MGMT: variants seen among roughly 807,000 people sequenced by gnomAD.
MGMT encodes the protein O-6-methylguanine-DNA methyltransferase, also known as methylated-DNA--protein-cysteine methyltransferase.
A neutral mutation model predicts 15.9 loss-of-function variants in MGMT; 14 were observed. The observed-to-expected ratio is 0.88, with a 90% CI of 0.58 to 1.37. MGMT has a LOEUF of 1.37. Among genes scored for constraint, MGMT ranks in the 40% most tolerant of loss-of-function variants. The probability of loss-of-function intolerance (pLI) is 0.00; values close to 1 mark genes in which losing one functional copy is unlikely to be tolerated. For missense variants in MGMT, 282 were observed against 268.1 expected, an observed-to-expected ratio of 1.05 and a Z score of -0.36; for synonymous variants, 130 against 118.2, an observed-to-expected ratio of 1.10 and a Z score of -0.65.
chr10:129,759,299 C>G lies in MGMT; in HGVS notation c.372C>G (p.Pro124=). 1.2e-6 allele frequency: 2 copies of G among 1,614,202 alleles called. No homozygotes were observed. Among genetic ancestry groups the G allele is most frequent in the Non-Finnish European group, 1.7e-6 (2 of 1,180,040 alleles). The change falls in exon 4 of 5, where the codon CCC becomes CCG. Residue 124 remains proline, a synonymous_variant. Transcript: ENST00000651593. ...AATTAGCAGCCCTGGCAGGCAACCC[C>G]AAAGCCGCGCGAGCAGTGGGAGGAG... is the stretch of plus-strand genomic sequence containing the variant. ...YQQLAALAGN[P]KAARAVGGAM... is the part of the protein sequence containing the mutation.
chr10:129,691,176 G>A (rs1353843007), intron 2 of MGMT, among the ~76,000 whole-genome samples: 1 of 152,256 alleles, frequency 6.6e-6, no homozygotes, highest in Non-Finnish European at 1.5e-5. Context: ...GGAGTTAGAG[G>A]TGATGACCAG....
At chr10:129,590,689 A>C (rs941755287) in intron 2 of MGMT, among the ~76,000 whole-genome samples, 1 of 152,248 alleles carries the variant, frequency 6.6e-6, no homozygotes, top group Non-Finnish European at 1.5e-5. Flanking sequence ...AAAAATTCTG[A>C]TATCAGCATT....
intron 1 of MGMT, 114 bp from the exon 2 acceptor site, chr10:129,536,127 G>A: frequency 8.3e-7 from 1 of 1,211,164 alleles, no homozygotes; most frequent in African/African-American, 1.5e-5. Context: ...CCAAAAATGA[G>A]GAAGAGCTTT....
chr10:129,546,503 G>A lies in MGMT; in HGVS notation c.125+10126G>A, dbSNP rs1477488768. On this transcript the variant is annotated intron_variant, in intron 2 of 4. Transcript: ENST00000651593. The stretch of plus-strand genomic sequence containing the variant: ...GGGGTGGTGCTTCCTCCCAGGGCTA[G>A]GGGAGAGGTGAGCAAAGAATAACCT... 2.6e-5 allele frequency among the ~76,000 whole-genome samples: 4 copies of A among 152,316 alleles called. No individual in the cohort carries two copies. The East Asian group carries it at 7.7e-4, about 29-fold the overall frequency.
chr10:129,474,172 G>A (rs1318617207), intron 1 of MGMT, among the ~76,000 whole-genome samples: 4 of 152,224 alleles, frequency 2.6e-5, no homozygotes, highest in Non-Finnish European at 2.9e-5. Flanking sequence ...TAGCCAGTGG[G>A]GCCAGGGCCT....
chr10:129,715,419 A>C (rs760388276), intron 3 of MGMT: 24 of 152,186 alleles, frequency 1.6e-4, no homozygotes, highest in Non-Finnish European at 3.2e-4. Context: ...ATAAATTTTC[A>C]TTTTAAATGG....
chr10:129,537,878 C>G (rs923626231), intron 2 of MGMT, among the ~76,000 whole-genome samples: 5 of 152,166 alleles, frequency 3.3e-5, no homozygotes, highest in African/African-American at 1.2e-4. Flanking sequence ...GGAACTTGGG[C>G]TCCTCTGAGC....
intron 3 of MGMT, among the ~76,000 whole-genome samples, chr10:129,740,192 A>G (rs543084084): frequency 1.3e-5 from 2 of 152,362 alleles, no homozygotes; most frequent in Non-Finnish European, 2.9e-5. Context: ...AACATGCATC[A>G]GGTGCTCCAA....
intron 2 of MGMT, among the ~76,000 whole-genome samples, chr10:129,614,733 A>G (rs1847003058): frequency 6.6e-6 from 1 of 152,114 alleles, no homozygotes; most frequent in Admixed American, 6.5e-5. Flanking sequence ...CAGGCAATCT[A>G]GTTGGCTTGA....
intron 2 of MGMT, among the ~76,000 whole-genome samples, chr10:129,582,155 C>T (rs1031749748): frequency 5.9e-5 from 9 of 152,194 alleles, no homozygotes; most frequent in Admixed American, 3.9e-4. Flanking sequence ...GGACGCTTTC[C>T]AGGGTGGTGG....
intron 3 of MGMT, among the ~76,000 whole-genome samples, chr10:129,714,518 G>T (rs1429697845): frequency 6.6e-6 from 1 of 152,082 alleles, no homozygotes; most frequent in Non-Finnish European, 1.5e-5. Flanking sequence ...GAATCCTCTA[G>T]ACATTTCATT....
At chr10:129,500,236 G>A (rs765274130) in intron 1 of MGMT, among the ~76,000 whole-genome samples, 30 of 152,190 alleles carry the variant, frequency 2.0e-4, no homozygotes, top group African/African-American at 2.7e-4. Flanking sequence ...TTTGGGCACC[G>A]CCTGGTTTCC....
rs1288043454 is a variant in MGMT at position 129,766,941 on chromosome 10, G to A, written c.568G>A (p.Ala190Thr). ...GLGGSSGLAG[A>T]WLKGAGATSG... is the part of the protein sequence containing the mutation. ...GGGAGGGAGCTCAGGTCTGGCAGGG[G>A]CCTGGCTCAAGGGAGCGGGAGCTAC... The change falls in exon 5 of 5, where the codon GCC becomes ACC. Residue 190 changes from alanine to threonine, a missense_variant. Physicochemically the swap from Ala to Thr is moderately conservative, Grantham distance 58. Coordinates refer to ENST00000651593, the MANE Select transcript of MGMT (RefSeq NM_002412.5). 2 of 1,612,934 alleles carry A rather than the reference G, an allele frequency of 1.2e-6. No homozygotes were observed. Among genetic ancestry groups the A allele is most frequent in the Non-Finnish European group, 1.7e-6 (2 of 1,179,860 alleles).
intron 1 of MGMT, among the ~76,000 whole-genome samples, chr10:129,529,569 T>C (rs1364979731): frequency 1.3e-5 from 2 of 152,208 alleles, no homozygotes; most frequent in Admixed American, 6.5e-5. Flanking sequence ...GTTTAAGCCA[T>C]ATCCACAGGA....
chr10:129,627,074 A>C (rs1052033962), intron 2 of MGMT, among the ~76,000 whole-genome samples: 1 of 152,206 alleles, frequency 6.6e-6, no homozygotes, highest in South Asian at 2.1e-4. Context: ...CTCACAGGCA[A>C]GAAGAAAAGC....
chr10:129,599,918 G>A lies in MGMT; in HGVS notation c.125+63541G>A, dbSNP rs72838515. Among the ~76,000 whole-genome samples, 882 of 152,300 alleles carry A rather than the reference G, an allele frequency of 5.8e-3. 5 individuals are homozygous for A. Among genetic ancestry groups the A allele is most frequent in the Non-Finnish European group, 8.7e-3 (592 of 68,036 alleles). On this transcript the variant is annotated intron_variant, in intron 2 of 4. Transcript: ENST00000651593. ...TATTAACTGTGCATATCCCTGCAAC[G>A]TTTGCACACTAATGTACATTGGTCT...
chr10:129,569,957 C>T (rs1373701801), intron 2 of MGMT, among the ~76,000 whole-genome samples: 1 of 152,228 alleles, frequency 6.6e-6, no homozygotes, highest in Admixed American at 6.5e-5. Context: ...CTTTGCCCGC[C>T]TGAACATTGC....
intron 1 of MGMT, among the ~76,000 whole-genome samples, chr10:129,486,229 T>C (rs1193726403): frequency 1.4e-5 from 2 of 148,114 alleles, no homozygotes; most frequent in Non-Finnish European, 3.0e-5. Flanking sequence ...GCTCTGTTGC[T>C]CAGGCTGGAG....
chr10:129,553,278 G>A (rs1846178697), intron 2 of MGMT, among the ~76,000 whole-genome samples: 1 of 152,182 alleles, frequency 6.6e-6, no homozygotes, highest in South Asian at 2.1e-4. Context: ...ATGTTGAAGT[G>A]AAGTGAGATA....
Sources: gnomAD v4.1 joint callset for allele counts (sites outside exome capture counted in the v4.1 genomes callset) on GRCh38, gnomAD v4.1.1 for gene constraint, MANE v1.5 for transcripts, NCBI Gene and HGNC (gene_info 2026-07-23, HGNC 2026-07-21) for gene names.